The following TMEM132D variants were observed in gnomAD, a reference collection of about 807,000 sequenced individuals.
TMEM132D encodes the protein mature OL transmembrane protein.
TMEM132D carries 21 observed loss-of-function variants against 62.3 expected under a neutral mutation model. The observed-to-expected ratio is 0.34, with a 90% CI of 0.24 to 0.49. The LOEUF (loss-of-function observed/expected upper bound fraction) is 0.49, where lower values mean the gene tolerates loss of function less well. Ranked by LOEUF, TMEM132D falls within the 20% of genes least tolerant of loss-of-function variation. The pLI, the probability that TMEM132D is intolerant of heterozygous loss-of-function variation, is 0.99. For missense variants in TMEM132D, 1,346 were observed against 1,402.8 expected (o/e 0.96, Z 0.65); for synonymous variants, 621 against 575.6 (o/e 1.08, Z -1.13).
intron 4 of TMEM132D, among the ~76,000 whole-genome samples, chr12:129,316,808 T>C (rs909680005): frequency 5.5e-5 from 6 of 109,508 alleles, no homozygotes; most frequent in Non-Finnish European, 1.5e-4. Context: ...TTAGTAATTG[T>C]TGTATAAATT....
intron 2 of TMEM132D, among the ~76,000 whole-genome samples, chr12:129,619,313 C>G (rs1879002217): frequency 6.6e-6 from 1 of 152,160 alleles, no homozygotes; most frequent in Non-Finnish European, 1.5e-5. Context: ...GAGAATCGAT[C>G]TGCATCCCTG....
intron 2 of TMEM132D, among the ~76,000 whole-genome samples, chr12:129,677,721 G>T (rs1298043463): frequency 6.6e-6 from 1 of 152,068 alleles, no homozygotes; most frequent in Admixed American, 6.5e-5. Flanking sequence ...TTAGCACCCA[G>T]GTGAGAACTA....
At chr12:129,075,110 G>A (rs1874209959) in intron 8 of TMEM132D, 51 bp from the exon 9 acceptor site, 1 of 1,496,852 alleles carries the variant, frequency 6.7e-7, no homozygotes, top group Non-Finnish European at 9.0e-7. Context: ...AGCTCATTGA[G>A]CCCCAAGTCT....
intron 1 of TMEM132D, chr12:129,853,807 G>A (rs1369470254): frequency 6.6e-6 from 1 of 152,120 alleles, no homozygotes; most frequent in Non-Finnish European, 1.5e-5. Context: ...TGGAGGATGT[G>A]TTCTAGGGGA....
chr12:129,866,659 C>T (rs1874071249), intron 1 of TMEM132D, among the ~76,000 whole-genome samples: 2 of 151,778 alleles, frequency 1.3e-5, no homozygotes, highest in Admixed American at 6.6e-5. Flanking sequence ...AGACTCCTGG[C>T]ACACTGTGGG....
intron 8 of TMEM132D, among the ~76,000 whole-genome samples, chr12:129,077,987 TAAAGTA>T (rs1188671145): frequency 6.6e-6 from 1 of 152,120 alleles, no homozygotes; most frequent in Non-Finnish European, 1.5e-5. Context: ...TGGTTCCAAA[TAAAGTA>T]AAAGAAAATT....
At chr12:129,834,291 C>G (rs1250657335) in intron 1 of TMEM132D, among the ~76,000 whole-genome samples, 1 of 152,048 alleles carries the variant, frequency 6.6e-6, no homozygotes, top group Non-Finnish European at 1.5e-5. Context: ...CAAACCAGTC[C>G]CGAGACCCAG....
chr12:129,477,794 C>T (rs1210847330), intron 3 of TMEM132D, among the ~76,000 whole-genome samples: 4 of 151,674 alleles, frequency 2.6e-5, no homozygotes, highest in Non-Finnish European at 5.9e-5. Flanking sequence ...GCACTCCAGC[C>T]TGGGCAATAG....
At chr12:129,138,371 G>A (rs1876646803) in intron 5 of TMEM132D, among the ~76,000 whole-genome samples, 1 of 152,146 alleles carries the variant, frequency 6.6e-6, no homozygotes, top group Admixed American at 6.5e-5. Context: ...GTCTGCAATT[G>A]CAAAATCATG....
chr12:129,407,106 C>T (rs566046901), intron 3 of TMEM132D, among the ~76,000 whole-genome samples: 1 of 152,282 alleles, frequency 6.6e-6, no homozygotes, highest in South Asian at 2.1e-4. Context: ...ATTTTTAAAG[C>T]TTTGATTAAG....
intron 1 of TMEM132D, among the ~76,000 whole-genome samples, chr12:129,702,121 A>G (rs1565954948): frequency 6.6e-6 from 1 of 152,210 alleles, no homozygotes; most frequent in Non-Finnish European, 1.5e-5. Context: ...AGTTCAACGC[A>G]TGTATTCAAC....
At chr12:129,400,086 T>G (rs753109647) in intron 3 of TMEM132D, among the ~76,000 whole-genome samples, 3 of 152,068 alleles carry the variant, frequency 2.0e-5, no homozygotes, top group Non-Finnish European at 4.4e-5. Context: ...AAATATGGTT[T>G]CATCTAGTAT....
chr12:129,376,894 C>T (rs1870796482), intron 3 of TMEM132D, among the ~76,000 whole-genome samples: 1 of 152,294 alleles, frequency 6.6e-6, no homozygotes, highest in African/African-American at 2.4e-5. Context: ...AGGGGCTTTC[C>T]ACTGGAATGG....
At chr12:129,405,580 G>A (rs192479200) in intron 3 of TMEM132D, among the ~76,000 whole-genome samples, 7 of 152,320 alleles carry the variant, frequency 4.6e-5, no homozygotes, top group Admixed American at 2.0e-4. Context: ...AGGTGCTGTA[G>A]TGTGGACTAG....
At chr12:129,077,694 C>T (rs1212743069) in intron 8 of TMEM132D, among the ~76,000 whole-genome samples, 1 of 151,948 alleles carries the variant, frequency 6.6e-6, no homozygotes, top group Non-Finnish European at 1.5e-5. Context: ...ACCCACAACA[C>T]ACACACATAT....
chr12:129,637,695 T>G (rs1879520879), intron 2 of TMEM132D, among the ~76,000 whole-genome samples: 1 of 152,076 alleles, frequency 6.6e-6, no homozygotes, highest in Non-Finnish European at 1.5e-5. Flanking sequence ...GGTTCTGCAG[T>G]CAGTACAGGA....
chr12:129,207,897 T>G (rs1878902812), intron 5 of TMEM132D, among the ~76,000 whole-genome samples: 1 of 152,208 alleles, frequency 6.6e-6, no homozygotes, highest in South Asian at 2.1e-4. Flanking sequence ...TATTTGTTGT[T>G]TCTTTATGCT....
intron 1 of TMEM132D, among the ~76,000 whole-genome samples, chr12:129,724,015 G>A (rs1868937286): frequency 6.6e-6 from 1 of 152,214 alleles, no homozygotes; most frequent in Admixed American, 6.5e-5. Flanking sequence ...AGATTACTCT[G>A]TATTATCTGG....
At chr12:129,801,488 G>C (rs1410210672) in intron 1 of TMEM132D, among the ~76,000 whole-genome samples, 2 of 151,824 alleles carry the variant, frequency 1.3e-5, no homozygotes, top group African/African-American at 4.8e-5. Flanking sequence ...CTCTCAGTTA[G>C]AAGGAAAACT....
Sources: allele counts gnomAD v4.1 joint callset (sites outside exome capture counted in the v4.1 genomes callset), GRCh38; gene constraint gnomAD v4.1.1; transcripts MANE v1.5; gene names NCBI Gene and HGNC (gene_info 2026-07-23, HGNC 2026-07-21).